Variants in CHD6 observed in about 807,000 individuals in gnomAD.
The protein encoded by CHD6 is chromodomain helicase DNA binding protein 6.
Under a neutral mutation model 276.9 loss-of-function variants are expected in CHD6, and 50 were observed. The ratio of observed to expected loss-of-function variants is 0.18; its 90% CI spans 0.14 to 0.23. The LOEUF is 0.23. CHD6 is among the 10% of genes least tolerant of loss of function. The pLI is 1.00. For synonymous variants in CHD6, 1,173 were observed against 1,229.3 expected, an observed-to-expected ratio of 0.95 and a Z score of 0.96; for missense variants, 2,564 against 3,365.8, an observed-to-expected ratio of 0.76 and a Z score of 5.89.
rs1324455436 is a variant in CHD6 at position 41,483,348 on chromosome 20, C to T, written c.2429G>A (p.Arg810His). Residue 810 changes from arginine (R) to histidine (H), a missense_variant, in exon 16 of 37, where the codon CGC becomes CAC. Around this residue, in one of 7 missense-constraint regions of CHD6, gnomAD observed 457 missense variants for 889.0 expected, o/e 0.51. Coordinates refer to ENST00000373233, the MANE Select transcript of CHD6 (RefSeq NM_032221.5). ...GTAATCTTCTAGGATGTCGAGGCAGCGCACCATCTGGGAGAAGATGAGTAC... is the reference window on the plus strand; with the variant it reads ...GTAATCTTCTAGGATGTCGAGGCAGTGCACCATCTGGGAGAAGATGAGTAC... Reference protein sequence around the residue: ...HKVLIFSQMVRCLDILEDYLI... With the variant: ...HKVLIFSQMVHCLDILEDYLI... 5 of 1,613,472 alleles carry T rather than the reference C, an allele frequency of 3.1e-6. No individual in the cohort carries two copies. Among genetic ancestry groups the T allele is most frequent in the African/African-American group, 1.3e-5 (1 of 74,900 alleles).
chr20:41,443,841 T>C (rs2047975800), intron 25 of CHD6, among the ~76,000 whole-genome samples: 1 of 152,192 alleles, frequency 6.6e-6, no homozygotes, highest in Non-Finnish European at 1.5e-5. Context: ...AGCTTTCAGT[T>C]CTGGCTTTAA....
chr20:41,413,538 T>G (rs1425593445), intron 34 of CHD6, 23 bp from the exon 35 acceptor site: 1 of 1,489,170 alleles, frequency 6.7e-7, no homozygotes, highest in African/African-American at 1.4e-5. Context: ...AAAACGAGTA[T>G]GTATAATCAC....
rs1324009963 is a variant in CHD6, at chr20:41,413,399, G to A, written c.7056C>T (p.Ser2352=). The part of the protein sequence containing the change: ...ATAASSQAEK[S]IPSKSLLDWL... ...AGTCAAGCAGACTCTTGCTGGGAAT[G>A]GATTTCTCGGCTTGGCTGCTGGCTG... Residue 2352 remains serine (S), a synonymous_variant, in exon 35 of 37, where the codon TCC becomes TCT. Coordinates refer to ENST00000373233, the MANE Select transcript of CHD6 (RefSeq NM_032221.5). 12 of 1,612,182 alleles carry A rather than the reference G, an allele frequency of 7.4e-6. No homozygotes were observed. In the South Asian group the frequency reaches 1.3e-4, roughly 18 times the overall value.
chr20:41,414,767 C>G, intron 34 of CHD6: 4 of 1,007,036 alleles, frequency 4.0e-6, no homozygotes. Context: ...GTAAGTCAAG[C>G]AGAAGAGCCA....
At chr20:41,545,635 C>A (rs1231864642) in intron 2 of CHD6, among the ~76,000 whole-genome samples, 1 of 152,118 alleles carries the variant, frequency 6.6e-6, no homozygotes, top group Non-Finnish European at 1.5e-5. Flanking sequence ...TTTAGTGATC[C>A]ATACTACTAG....
At chr20:41,437,666 C>T (rs1396739895) in intron 26 of CHD6, among the ~76,000 whole-genome samples, 6 of 152,172 alleles carry the variant, frequency 3.9e-5, no homozygotes, top group African/African-American at 1.2e-4. Flanking sequence ...CCAAGTCAGC[C>T]GTCTGTACCC....
At chr20:41,444,261 C>A (rs920060234) in intron 25 of CHD6, among the ~76,000 whole-genome samples, 2 of 152,176 alleles carry the variant, frequency 1.3e-5, no homozygotes, top group Non-Finnish European at 2.9e-5. Flanking sequence ...TGAGTTCTAT[C>A]CCTGCACTGT....
At chr20:41,596,742 G>A (rs1166972313) in intron 1 of CHD6, among the ~76,000 whole-genome samples, 2 of 152,196 alleles carry the variant, frequency 1.3e-5, no homozygotes, top group African/African-American at 4.8e-5. Flanking sequence ...AGGAACAGAT[G>A]AGAAAATATG....
intron 1 of CHD6, among the ~76,000 whole-genome samples, chr20:41,590,374 T>C (rs1312680190): frequency 1.3e-5 from 2 of 152,158 alleles, no homozygotes; most frequent in Non-Finnish European, 2.9e-5. Context: ...GGGAAGTAAT[T>C]AAACTAAAGA....
At position 41,452,171 on chromosome 20, in the gene CHD6, G is replaced by A. The variant is rs181142027; in HGVS notation, c.3324-146C>T. 23 of 677,526 alleles carry A rather than the reference G, an allele frequency of 3.4e-5. No homozygotes were observed. The East Asian group carries it at 6.2e-4, about 18-fold the overall frequency. The allele number at this position is 677,526 out of a possible 1,614,324, so 42.0% of individuals were successfully genotyped here. Reference sequence around the variant, plus strand: ...CATCCCAAGGGCTTTGTCCCGAAAGGCCTTTGAGGACCACCTGACTGTAGC... The same window carrying A: ...CATCCCAAGGGCTTTGTCCCGAAAGACCTTTGAGGACCACCTGACTGTAGC... On this transcript the variant is annotated intron_variant, in intron 21 of 36. Coordinates refer to ENST00000373233, the MANE Select transcript of CHD6 (RefSeq NM_032221.5). This position sits in a 1 kb window ranked among gnomAD's most constrained non-coding sequence, Gnocchi z 4.2.
intron 2 of CHD6, among the ~76,000 whole-genome samples, chr20:41,535,980 GA>G (rs2044822008): frequency 6.6e-6 from 1 of 152,176 alleles, no homozygotes; most frequent in African/African-American, 2.4e-5. Context: ...AATTATAATT[GA>G]AAAGTCTACC....
At chr20:41,444,766 T>C (rs1008614717) in intron 25 of CHD6, among the ~76,000 whole-genome samples, 10 of 152,192 alleles carry the variant, frequency 6.6e-5, no homozygotes, top group African/African-American at 2.4e-4. Flanking sequence ...ATGTAATATT[T>C]AATCTTTAAA....
chr20:41,422,209 G>A (rs2047217958), intron 30 of CHD6, 130 bp from the exon 31 acceptor site: 1 of 860,636 alleles, frequency 1.2e-6, no homozygotes, highest in South Asian at 1.9e-5. Context: ...TCAGGTGTGT[G>A]AGCCCTTGCC....
chr20:41,547,687 C>A, intron 2 of CHD6: 1 of 722,354 alleles, frequency 1.4e-6, no homozygotes, highest in Non-Finnish European at 2.3e-6. Flanking sequence ...AAGGAACCAC[C>A]AATAGACAGA....
chr20:41,467,744 G>T (rs987440035), intron 17 of CHD6, among the ~76,000 whole-genome samples: 1 of 149,792 alleles, frequency 6.7e-6, no homozygotes, highest in African/African-American at 2.5e-5. Context: ...AACTAGCTGA[G>T]AACAGGAAGG....
chr20:41,568,095 T>C (rs1217105837), intron 1 of CHD6, among the ~76,000 whole-genome samples: 2 of 152,206 alleles, frequency 1.3e-5, no homozygotes, highest in Non-Finnish European at 2.9e-5. Context: ...GCAATTAAAA[T>C]AGCTTGATAA....
intron 28 of CHD6, 145 bp downstream of exon 28, chr20:41,425,948 T>G (rs912257990): frequency 2.9e-5 from 21 of 721,716 alleles, no homozygotes; most frequent in Middle Eastern, 2.5e-4. Context: ...CATGTGTGAC[T>G]CTAGGGGAGT....
intron 26 of CHD6, among the ~76,000 whole-genome samples, chr20:41,438,586 T>A (rs2047793455): frequency 6.6e-6 from 1 of 151,970 alleles, no homozygotes; most frequent in Non-Finnish European, 1.5e-5. Flanking sequence ...TGAGACTCCA[T>A]CACAAACAAA....
intron 1 of CHD6, among the ~76,000 whole-genome samples, chr20:41,595,679 A>G (rs934896541): frequency 2.0e-5 from 3 of 152,210 alleles, no homozygotes; most frequent in East Asian, 3.8e-4. Context: ...ATAGCCCTCC[A>G]GGTCTCATGT....
Sources: gnomAD v4.1 joint callset for allele counts (sites outside exome capture counted in the v4.1 genomes callset) on GRCh38, gnomAD v4.1.1 for gene constraint, gnomAD v4.1.1 regional missense constraint, Gnocchi (gnomAD v3.1) non-coding constraint, MANE v1.5 for transcripts, NCBI Gene and HGNC (gene_info 2026-07-23, HGNC 2026-07-21) for gene names.